PARD6B: variants seen among roughly 807,000 people sequenced by gnomAD.
PARD6B encodes the protein partitioning defective 6 homolog beta.
A neutral mutation model predicts 10.5 loss-of-function variants in PARD6B; 4 were observed. The observed-to-expected ratio is 0.38, with a 90% CI of 0.19 to 0.87. The LOEUF is 0.87. Among genes scored for constraint, PARD6B ranks in the 40% least tolerant of loss-of-function variants. The probability of loss-of-function intolerance (pLI) is 0.41; values close to 1 mark genes in which losing one functional copy is unlikely to be tolerated. For missense variants in PARD6B, 396 were observed against 470.6 expected (o/e 0.84, Z 1.47); for synonymous variants, 169 against 170.4 (o/e 0.99, Z 0.07).
At chr20:50,736,830 AG>A (rs1032326743) in intron 1 of PARD6B, among the ~76,000 whole-genome samples, 1 of 151,054 alleles carries the variant, frequency 6.6e-6, no homozygotes, top group African/African-American at 2.4e-5. Context: ...CCTCCTGAGT[AG>A]TTGGGACTAC....
chr20:50,750,993 T>C lies in PARD6B; in HGVS notation c.*505T>C, dbSNP rs1185421793. The C allele has an allele frequency of 1.5e-6, 1 of 650,460 alleles. No individual in the cohort carries two copies. Among genetic ancestry groups the C allele is most frequent in the African/African-American group, 2.2e-5 (1 of 45,368 alleles). 40.3% of individuals were successfully genotyped at this position (650,460 alleles called of 1,614,324 possible). On this transcript the variant is annotated 3_prime_UTR_variant, in exon 3 of 3. Transcript: ENST00000371610. ...TTTTTTTTTTTTTTTTTTTAGTGAC[T>C]GGGTCTCACTCTGTTGCCCACACTG... is the stretch of plus-strand genomic sequence containing the variant.
chr20:50,751,945 C>G lies in PARD6B; in HGVS notation c.*1457C>G. 1 of 969,700 alleles carries G rather than the reference C, an allele frequency of 1.0e-6. No individual in the cohort carries two copies. Among genetic ancestry groups the G allele is most frequent in the South Asian group, 4.8e-5 (1 of 20,930 alleles). 60.1% of individuals were successfully genotyped at this position (969,700 alleles called of 1,614,324 possible). A position where few individuals can be genotyped will look rare whatever the true frequency, so the allele number is the denominator to read the frequency against. ...TCTCAAACTCCTGACCTCAAGTGAT[C>G]CGCCCATCTCCTCCCAAAGTGCTGG... On this transcript the variant is annotated 3_prime_UTR_variant, in exon 3 of 3. Transcript: ENST00000371610.
At chr20:50,743,900 A>C (rs1267351567) in intron 2 of PARD6B, among the ~76,000 whole-genome samples, 1 of 151,906 alleles carries the variant, frequency 6.6e-6, no homozygotes, top group East Asian at 1.9e-4. Flanking sequence ...AAAAAAAAAA[A>C]AAAAAGAAAT....
Position 50,753,388 on chromosome 20 carries a change from T to C in PARD6B, c.*2900T>C. 2 of 984,952 alleles carry C rather than the reference T, an allele frequency of 2.0e-6. No homozygotes were observed. Among genetic ancestry groups the C allele is most frequent in the Non-Finnish European group, 2.4e-6 (2 of 829,094 alleles). The allele number at this position is 984,952 out of a possible 1,614,324, so 61.0% of individuals were successfully genotyped here. ...GGTAGGCTGAATCAATTATTTCAAG[T>C]GCACCTTATTAACAAAAGTATCAGT... On this transcript the variant is annotated 3_prime_UTR_variant, in exon 3 of 3. Coordinates refer to ENST00000371610, the MANE Select transcript of PARD6B (RefSeq NM_032521.3).
At position 50,731,770 on chromosome 20, in the gene PARD6B, G is replaced by C. The variant is rs754432068; in HGVS notation, c.-17G>C. The C allele has an allele frequency of 2.1e-6, 3 of 1,447,936 alleles. No homozygotes were observed. Among genetic ancestry groups the C allele is most frequent in the African/African-American group, 1.5e-5 (1 of 67,674 alleles). 89.7% of individuals were successfully genotyped at this position (1,447,936 alleles called of 1,614,324 possible). A position where few individuals can be genotyped will look rare whatever the true frequency, so the allele number is the denominator to read the frequency against. On this transcript the variant is annotated 5_prime_UTR_variant, in exon 1 of 3. Transcript: ENST00000371610. ...CCGCCCGGCCGGAGGAGGCCGTCGC[G>C]GGGCTCGGCGTTCAGCATGAACCGC...
At chr20:50,733,003 A>G (rs1222938234) in intron 1 of PARD6B, among the ~76,000 whole-genome samples, 1 of 152,234 alleles carries the variant, frequency 6.6e-6, no homozygotes, top group Non-Finnish European at 1.5e-5. Flanking sequence ...GAGTAAGGAA[A>G]GCTTCCTAGA....
In PARD6B at chr20:50,752,981, ATGTTAG is replaced by A; in HGVS notation, c.*2495_*2500del. ...AATTTGACTCTTGAATGGCAAAATA[ATGTTAG>A]TATGTAGAAGGTTAACTTTCATTTA... On this transcript the variant is annotated 3_prime_UTR_variant, in exon 3 of 3. Coordinates refer to ENST00000371610, the MANE Select transcript of PARD6B (RefSeq NM_032521.3). 2 of 984,172 alleles carry A rather than the reference ATGTTAG, an allele frequency of 2.0e-6. No individual in the cohort carries two copies. The highest frequency in any genetic ancestry group is 9.4e-5 in the South Asian group (2 of 21,258). The allele number at this position is 984,172 out of a possible 1,614,324, so 61.0% of individuals were successfully genotyped here. A position where few individuals can be genotyped will look rare whatever the true frequency, so the allele number is the denominator to read the frequency against.
chr20:50,745,853 T>C (rs1340380280), intron 2 of PARD6B, among the ~76,000 whole-genome samples: 1 of 152,174 alleles, frequency 6.6e-6, no homozygotes, highest in Non-Finnish European at 1.5e-5. Flanking sequence ...CAAGAGTGAT[T>C]ATATAGCCTG....
chr20:50,737,709 C>A, intron 1 of PARD6B, 148 bp from the exon 2 acceptor site: 1 of 596,162 alleles, frequency 1.7e-6, no homozygotes, highest in Non-Finnish European at 2.8e-6. Flanking sequence ...TTTTAAAATC[C>A]CTGATAGTAA....
intron 2 of PARD6B, among the ~76,000 whole-genome samples, chr20:50,741,224 G>C (rs535296271): frequency 2.6e-5 from 4 of 152,138 alleles, no homozygotes; most frequent in Admixed American, 6.5e-5. Context: ...GCCTCGAAGT[G>C]TTCTGGGATT....
intron 1 of PARD6B, among the ~76,000 whole-genome samples, chr20:50,736,987 C>T (rs1371608429): frequency 6.6e-6 from 1 of 152,162 alleles, no homozygotes; most frequent in Admixed American, 6.5e-5. Flanking sequence ...TGTGAGCCAT[C>T]GCGCCTGGCC....
rs747051822 is a variant in PARD6B at position 50,737,958 on chromosome 20, T to G, written c.168T>G (p.Val56=). ...AACATGTTCATAAGATCCCCAATGT[T>G]GACGTTTTGGTAGGCTATGCAGACA... ...LLQHVHKIPN[V]DVLVGYADIH... Residue 56 remains valine, a synonymous_variant, in exon 2 of 3, where the codon GTT becomes GTG. Coordinates refer to ENST00000371610, the MANE Select transcript of PARD6B (RefSeq NM_032521.3). The G allele has an allele frequency of 1.9e-6, 3 of 1,613,620 alleles. No homozygotes were observed. Among genetic ancestry groups the G allele is most frequent in the Middle Eastern group, 1.6e-4 (1 of 6,084 alleles).
Position 50,750,286 on chromosome 20 carries a change from A to G in PARD6B, c.917A>G (p.Gln306Arg). 1 of 1,614,242 alleles carries G rather than the reference A, an allele frequency of 6.2e-7. No individual in the cohort carries two copies. Among genetic ancestry groups the G allele is most frequent in the Admixed American group, 1.7e-5 (1 of 60,024 alleles). ...ATTGAAGACAATGGAGTGCCACAGC[A>G]GATTCCAAAAGCTGTTCCTAATACT... ...IIIEDNGVPQ[Q>R]IPKAVPNTES... The change falls in exon 3 of 3, where the codon CAG (glutamine) becomes CGG (arginine). Residue 306 changes from glutamine to arginine, a missense_variant. By Grantham distance (43) the Gln-to-Arg change is conservative (BLOSUM62 1). Around this residue, in one of 2 missense-constraint regions of PARD6B, gnomAD observed 188 missense variants for 169.7 expected, o/e 1.11. Transcript: ENST00000371610.
chr20:50,731,844 A>G lies in PARD6B; in HGVS notation c.58A>G (p.Lys20Glu). 1 of 1,455,128 alleles carries G rather than the reference A, an allele frequency of 6.9e-7. No homozygotes were observed. The highest frequency in any genetic ancestry group is 9.0e-7 in the Non-Finnish European group (1 of 1,108,192). 90.1% of individuals were successfully genotyped at this position (1,455,128 alleles called of 1,614,324 possible). ...CGGCTGCCTGGGCACTATGGAGGTG[A>G]AGAGCAAGGTGCGCGGGGCCCGGGC... ...GSGCLGTMEV[K>E]SKFGAEFRRF... The change falls in exon 1 of 3, where the codon AAG (lysine) becomes GAG (glutamate). Residue 20 changes from lysine to glutamate, a missense_variant. Physicochemically the swap from Lys to Glu is moderately conservative, Grantham distance 56 (BLOSUM62 1). Transcript: ENST00000371610.
At chr20:50,736,505 C>G (rs2087500109) in intron 1 of PARD6B, among the ~76,000 whole-genome samples, 1 of 152,162 alleles carries the variant, frequency 6.6e-6, no homozygotes, top group African/African-American at 2.4e-5. Flanking sequence ...CTTTAAAGTG[C>G]TGGTCTCCGC....
intron 1 of PARD6B, among the ~76,000 whole-genome samples, chr20:50,734,387 C>A (rs2087488264): frequency 6.6e-6 from 1 of 151,860 alleles, no homozygotes; most frequent in Admixed American, 6.6e-5. Flanking sequence ...TGCTCTGTCA[C>A]CCGGGCTGGA....
intron 1 of PARD6B, among the ~76,000 whole-genome samples, chr20:50,735,708 A>G (rs2087495980): frequency 6.6e-6 from 1 of 152,252 alleles, no homozygotes. Context: ...GTGCAAATAT[A>G]CCATGAAGCC....
rs748991470 is a variant in PARD6B, at chr20:50,749,890, G to A, written c.521G>A (p.Arg174Gln). 2 of 1,614,142 alleles carry A rather than the reference G, an allele frequency of 1.2e-6. No individual in the cohort carries two copies. Among genetic ancestry groups the A allele is most frequent in the East Asian group, 2.2e-5 (1 of 44,884 alleles). ...GAGAAACCCCTAGGATTCTACATCCGGGATGGCTCCAGTGTCAGGGTAACA... is the reference window on the plus strand; with the variant it reads ...GAGAAACCCCTAGGATTCTACATCCAGGATGGCTCCAGTGTCAGGGTAACA... The part of the protein sequence containing the change: ...GTEKPLGFYI[R>Q]DGSSVRVTPH... The change falls in exon 3 of 3, where the codon CGG (arginine) becomes CAG (glutamine). Residue 174 changes from arginine to glutamine, a missense_variant. Physicochemically the swap from Arg to Gln is conservative, Grantham distance 43. This residue lies in a region of PARD6B where 208 missense variants were observed against 300.9 expected (regional missense o/e 0.69). Coordinates refer to ENST00000371610, the MANE Select transcript of PARD6B (RefSeq NM_032521.3).
At position 50,747,980 on chromosome 20, in the gene PARD6B, T is replaced by A. The variant is rs143427718; in HGVS notation, c.290-1679T>A. Among the ~76,000 whole-genome samples, 176 of 152,246 alleles carry A rather than the reference T, an allele frequency of 1.2e-3. 1 individual carries two copies. The highest frequency in any genetic ancestry group is 0.011 in the Admixed American group (166 of 15,290). On this transcript the variant is annotated intron_variant, in intron 2 of 2. Coordinates refer to ENST00000371610, the MANE Select transcript of PARD6B (RefSeq NM_032521.3). ...AAATACCATTGAACTTTATGCATAG[T>A]TTTTCACACAGTAAAGAAAAAAGTT...
Sources: allele counts gnomAD v4.1 joint callset (sites outside exome capture counted in the v4.1 genomes callset), GRCh38; gene constraint gnomAD v4.1.1; regional missense constraint gnomAD v4.1.1; transcripts MANE v1.5; gene names NCBI Gene and HGNC (gene_info 2026-07-23, HGNC 2026-07-21).